DNM3: variants seen among roughly 807,000 people sequenced by gnomAD.
DNM3 encodes the protein dynamin-3.
A neutral mutation model predicts 101.6 loss-of-function variants in DNM3; 47 were observed. The observed-to-expected ratio is 0.46, with a 90% CI of 0.37 to 0.59. The LOEUF (loss-of-function observed/expected upper bound fraction) is 0.59, where lower values mean the gene tolerates loss of function less well. Ranked by LOEUF, DNM3 falls within the 20% of genes least tolerant of loss-of-function variation. The pLI, the probability that DNM3 is intolerant of heterozygous loss-of-function variation, is 0.00. For missense variants in DNM3, 849 were observed against 1,085.7 expected (o/e 0.78, Z 3.06); for synonymous variants, 385 against 387.9 (o/e 0.99, Z 0.09).
At chr1:172,100,999 G>A (rs2054602770) in intron 13 of DNM3, among the ~76,000 whole-genome samples, 1 of 152,184 alleles carries the variant, frequency 6.6e-6, no homozygotes, top group Non-Finnish European at 1.5e-5. Flanking sequence ...ACTATTCACT[G>A]TGGCCAGAGA....
chr1:172,305,992 C>T (rs1264912389), intron 15 of DNM3, among the ~76,000 whole-genome samples: 1 of 152,238 alleles, frequency 6.6e-6, no homozygotes, highest in Non-Finnish European at 1.5e-5. Context: ...TGCCCTCTCT[C>T]ACCACTCGTA....
At chr1:172,338,166 C>A (rs1333801511) in intron 17 of DNM3, among the ~76,000 whole-genome samples, 1 of 152,068 alleles carries the variant, frequency 6.6e-6, no homozygotes, top group African/African-American at 2.4e-5. Flanking sequence ...CCACCTGCCT[C>A]AGCCTCCCAA....
intron 2 of DNM3, among the ~76,000 whole-genome samples, chr1:171,935,049 A>C (rs1370961180): frequency 2.0e-5 from 3 of 152,156 alleles, no homozygotes; most frequent in African/African-American, 7.2e-5. Flanking sequence ...TCTGTATGAT[A>C]CTGCTAATAT....
At chr1:172,341,197 A>G (rs146998536) in intron 17 of DNM3, among the ~76,000 whole-genome samples, 2 of 152,346 alleles carry the variant, frequency 1.3e-5, no homozygotes, top group East Asian at 3.9e-4. Flanking sequence ...AAAGATCTCT[A>G]CAATGAGAAT....
chr1:172,400,935 T>G (rs2070436962), intron 20 of DNM3, among the ~76,000 whole-genome samples: 1 of 152,178 alleles, frequency 6.6e-6, no homozygotes, highest in African/African-American at 2.4e-5. Flanking sequence ...CTTCCAACTC[T>G]AAGCTAGGAC....
chr1:172,344,483 C>G (rs903778991), intron 17 of DNM3, among the ~76,000 whole-genome samples: 1 of 152,136 alleles, frequency 6.6e-6, no homozygotes, highest in South Asian at 2.1e-4. Context: ...TTTTTCCCCA[C>G]GAAAATGGCC....
intron 14 of DNM3, among the ~76,000 whole-genome samples, chr1:172,245,640 C>T (rs146718204): frequency 8.2e-4 from 125 of 152,268 alleles, no homozygotes; most frequent in African/African-American, 2.7e-3. Flanking sequence ...TTCTGGGAGA[C>T]GTGTTTGCTC....
rs188986243 is a variant in DNM3 at position 172,177,907 on chromosome 1, T to C, written c.1659+46619T>C. ...GGTTTTTTTCCCTTAATGTGCCCAA[T>C]GAATATACAGTCATACATTGCTTAA... On this transcript the variant is annotated intron_variant, in intron 14 of 20. Transcript: ENST00000627582. 6.9e-4 allele frequency among the ~76,000 whole-genome samples: 105 copies of C among 152,046 alleles called. 1 individual carries two copies. Among genetic ancestry groups the C allele is most frequent in the Admixed American group, 2.5e-3 (38 of 15,216 alleles).
intron 14 of DNM3, among the ~76,000 whole-genome samples, chr1:172,156,614 CCCT>C (rs145351187): frequency 0.067 from 10,128 of 151,736 alleles, 809 homozygotes; most frequent in African/African-American, 0.18. Flanking sequence ...CTCCTCCTTT[CCCT>C]CCTCCTCCTC....
intron 14 of DNM3, among the ~76,000 whole-genome samples, chr1:172,160,826 A>G (rs755264206): frequency 1.3e-5 from 2 of 152,066 alleles, no homozygotes; most frequent in South Asian, 4.1e-4. Context: ...GACTGGCAGC[A>G]CAGTAAGTTT....
rs918977757 is a variant in DNM3, at chr1:171,930,280, A to C, written c.235+8459A>C. On this transcript the variant is annotated intron_variant, in intron 2 of 20. Transcript: ENST00000627582. ...TCCAGGGAGGTGCAATGCTGCTACC[A>C]GTGGCTGGCTGGATTTCCAAGCCAG... Among the ~76,000 whole-genome samples the C allele has an allele frequency of 3.9e-5, 6 of 152,158 alleles. No homozygotes were observed. The East Asian group carries it at 1.2e-3, about 29-fold the overall frequency.
rs548186660 is a variant in DNM3, at chr1:172,049,484, A to C, written c.1335+734A>C. Among the ~76,000 whole-genome samples the C allele has an allele frequency of 6.1e-4, 93 of 152,296 alleles. No homozygotes were observed. The Middle Eastern group carries it at 0.014, about 22-fold the overall frequency. On this transcript the variant is annotated intron_variant, in intron 10 of 20. Coordinates refer to ENST00000627582, the MANE Select transcript of DNM3 (RefSeq NM_015569.5). ...GTATTCTCTACCCTGAATATCTATT[A>C]AATCTATGCTGTAGAGTGCTGGGGC...
intron 18 of DNM3, among the ~76,000 whole-genome samples, chr1:172,384,784 T>A (rs896432217): frequency 1.1e-4 from 16 of 152,234 alleles, no homozygotes; most frequent in Admixed American, 3.9e-4. Flanking sequence ...ATATGTAAAG[T>A]TTCTAAAGAG....
At chr1:172,157,727 C>T (rs1162592375) in intron 14 of DNM3, among the ~76,000 whole-genome samples, 1 of 151,982 alleles carries the variant, frequency 6.6e-6, no homozygotes, top group Non-Finnish European at 1.5e-5. Context: ...TAAGTGATTA[C>T]TTACAATCTT....
intron 15 of DNM3, among the ~76,000 whole-genome samples, chr1:172,266,449 C>T (rs750041344): frequency 1.7e-4 from 26 of 151,902 alleles, no homozygotes; most frequent in Admixed American, 1.7e-3. Context: ...ATTCTGGACT[C>T]GGGAATGAAA....
At chr1:172,023,248 T>TCGG (rs1428761902) in intron 4 of DNM3, among the ~76,000 whole-genome samples, 1 of 152,148 alleles carries the variant, frequency 6.6e-6, no homozygotes, top group Non-Finnish European at 1.5e-5. Context: ...AAAACTTCCT[T>TCGG]CTTTTCTTGG....
intron 14 of DNM3, chr1:172,132,971 G>A (rs1266698313): frequency 1.9e-6 from 3 of 1,542,918 alleles, no homozygotes; most frequent in East Asian, 2.4e-5. Flanking sequence ...AACCCAGGCT[G>A]TTGAGCTCCA....
At chr1:171,929,625 T>C (rs1483563046) in intron 2 of DNM3, among the ~76,000 whole-genome samples, 2 of 151,254 alleles carry the variant, frequency 1.3e-5, no homozygotes, top group Non-Finnish European at 3.0e-5. Context: ...CCTAGTCAGC[T>C]TGGATTCTCC....
chr1:171,891,708 A>G (rs2037299865), intron 1 of DNM3, among the ~76,000 whole-genome samples: 1 of 152,132 alleles, frequency 6.6e-6, no homozygotes, highest in African/African-American at 2.4e-5. Context: ...TGTTTTTCTC[A>G]CGGAGTTATG....
Sources: allele counts gnomAD v4.1 joint callset (sites outside exome capture counted in the v4.1 genomes callset), GRCh38; gene constraint gnomAD v4.1.1; transcripts MANE v1.5; gene names NCBI Gene and HGNC (gene_info 2026-07-23, HGNC 2026-07-21).